SLC14A2: variants seen among roughly 807,000 people sequenced by gnomAD.
SLC14A2 encodes solute carrier family 14 member 2.
In SLC14A2, 91 loss-of-function variants were observed where a neutral mutation model predicts 104.6. The observed-to-expected ratio is 0.87, with a 90% CI of 0.73 to 1.04. The LOEUF (loss-of-function observed/expected upper bound fraction) is 1.04, where lower values mean the gene tolerates loss of function less well. Ranked by LOEUF, SLC14A2 falls within the 50% of genes least tolerant of loss-of-function variation. The pLI is 0.00. For synonymous variants in SLC14A2, 476 were observed against 466.4 expected (o/e 1.02, Z -0.27); for missense variants, 1,189 against 1,156.0 (o/e 1.03, Z -0.41).
intron 1 of SLC14A2, among the ~76,000 whole-genome samples, chr18:45,238,402 C>T (rs1328006594): frequency 1.3e-5 from 2 of 152,126 alleles, no homozygotes; most frequent in East Asian, 3.8e-4. Context: ...AAGCAAGATC[C>T]AAAAGGTAAG....
chr18:45,217,374 A>G (rs1599580931), intron 1 of SLC14A2, among the ~76,000 whole-genome samples: 1 of 151,516 alleles, frequency 6.6e-6, no homozygotes, highest in African/African-American at 2.4e-5. Flanking sequence ...TATATATGCC[A>G]AGTTACAACA....
intron 1 of SLC14A2, among the ~76,000 whole-genome samples, chr18:45,451,890 A>T (rs1007291463): frequency 6.6e-6 from 1 of 152,172 alleles, no homozygotes; most frequent in African/African-American, 2.4e-5. Context: ...TTGCTTCCCA[A>T]TTTATCTGTT....
intron 4 of SLC14A2, among the ~76,000 whole-genome samples, chr18:45,629,412 T>C (rs1232168437): frequency 2.6e-5 from 4 of 152,204 alleles, no homozygotes; most frequent in Admixed American, 2.6e-4. Context: ...CTCCTATTCC[T>C]TGTTCCCATG....
At chr18:45,429,005 T>C (rs2086474755) in intron 1 of SLC14A2, among the ~76,000 whole-genome samples, 1 of 152,084 alleles carries the variant, frequency 6.6e-6, no homozygotes, top group Non-Finnish European at 1.5e-5. Context: ...TACTAGATGG[T>C]TCATTACTGA....
chr18:45,219,503 AGG>A (rs1314707121), intron 1 of SLC14A2, among the ~76,000 whole-genome samples: 8 of 150,330 alleles, frequency 5.3e-5, no homozygotes, highest in Non-Finnish European at 7.4e-5. Context: ...GAGTAAGAGG[AGG>A]TGAAAGGCGA....
chr18:45,406,767 A>G (rs1050072048), intron 1 of SLC14A2, among the ~76,000 whole-genome samples: 3 of 152,186 alleles, frequency 2.0e-5, no homozygotes, highest in Non-Finnish European at 4.4e-5. Flanking sequence ...GTACATCTCC[A>G]TCAGAGTTCT....
At chr18:45,270,360 G>A (rs942498390) in intron 1 of SLC14A2, among the ~76,000 whole-genome samples, 7 of 152,102 alleles carry the variant, frequency 4.6e-5, no homozygotes, top group Non-Finnish European at 8.8e-5. Context: ...AGACAGGAAG[G>A]CAGGAAAGAA....
intron 1 of SLC14A2, among the ~76,000 whole-genome samples, chr18:45,220,542 A>G (rs1333307915): frequency 6.9e-6 from 1 of 145,554 alleles, no homozygotes; most frequent in Non-Finnish European, 1.5e-5. Context: ...AAATGAGTCT[A>G]CAGTGAACCT....
At chr18:45,261,904 A>T (rs994959602) in intron 1 of SLC14A2, among the ~76,000 whole-genome samples, 2 of 152,172 alleles carry the variant, frequency 1.3e-5, no homozygotes. Flanking sequence ...ATGATTTATA[A>T]TCCTTTGGGT....
At chr18:45,529,223 G>T (rs2043643633) in intron 2 of SLC14A2, 1 of 152,176 alleles carries the variant, frequency 6.6e-6, no homozygotes, top group Non-Finnish European at 1.5e-5. Flanking sequence ...TTATTGGTGA[G>T]AAAATTAACA....
chr18:45,470,897 A>G (rs958489821), intron 1 of SLC14A2, among the ~76,000 whole-genome samples: 3 of 151,990 alleles, frequency 2.0e-5, no homozygotes, highest in Non-Finnish European at 1.5e-5. Flanking sequence ...ATTCCCTTCA[A>G]CTTCTGAATT....
At chr18:45,281,606 TTC>T (rs1023484662) in intron 1 of SLC14A2, among the ~76,000 whole-genome samples, 10 of 152,214 alleles carry the variant, frequency 6.6e-5, no homozygotes, top group Admixed American at 2.0e-4. Context: ...GTTGTCATCA[TTC>T]TCTCTCTCCT....
intron 1 of SLC14A2, among the ~76,000 whole-genome samples, chr18:45,263,393 T>A (rs1158413409): frequency 1.3e-5 from 2 of 152,206 alleles, no homozygotes; most frequent in African/African-American, 2.4e-5. Flanking sequence ...ATCACTTGGT[T>A]AAATTGGTGT....
intron 2 of SLC14A2, among the ~76,000 whole-genome samples, chr18:45,539,863 G>T (rs1189227021): frequency 6.9e-6 from 1 of 144,778 alleles, no homozygotes; most frequent in Admixed American, 7.1e-5. Flanking sequence ...TACCCACTAA[G>T]CCATGACAGA....
rs2045050916 is a variant in SLC14A2, at chr18:45,615,599, T to TC, written c.-35+18dup. 7.1e-6 allele frequency: 1 copy of TC among 140,690 alleles called. No homozygotes were observed. The highest frequency in any genetic ancestry group is 2.7e-5 in the African/African-American group (1 of 37,120). 8.7% of individuals were successfully genotyped at this position (140,690 alleles called of 1,614,324 possible). On this transcript the variant is annotated intron_variant, in intron 1 of 19. Transcript: ENST00000255226. Reference sequence around the variant, plus strand: ...TGTGGAAGTGTGAGTCAATTAAATTTCTTTTTTTTTTTTTTCTAATAAATC... The same window carrying TC: ...TGTGGAAGTGTGAGTCAATTAAATTTCCTTTTTTTTTTTTTTCTAATAAATC...
chr18:45,567,807 A>G (rs1183044496), intron 2 of SLC14A2, among the ~76,000 whole-genome samples: 2 of 152,180 alleles, frequency 1.3e-5, no homozygotes, highest in Non-Finnish European at 2.9e-5. Flanking sequence ...GGCCTATAAA[A>G]TGATGTTAAA....
chr18:45,193,824 T>C, the SLC14A2 span, among the ~76,000 whole-genome samples: 2 of 152,288 alleles, frequency 1.3e-5, no homozygotes, highest in Non-Finnish European at 2.9e-5. Flanking sequence ...TTTGAGAATA[T>C]TGAGTTTTCT....
At chr18:45,200,218 G>T in the SLC14A2 span, among the ~76,000 whole-genome samples, 1 of 151,942 alleles carries the variant, frequency 6.6e-6, no homozygotes, top group East Asian at 1.9e-4. Context: ...TCGTTTTTCA[G>T]ACAGGAAAAC....
chr18:45,296,683 T>C (rs965736523), intron 1 of SLC14A2, among the ~76,000 whole-genome samples: 10 of 152,190 alleles, frequency 6.6e-5, no homozygotes, highest in African/African-American at 2.2e-4. Flanking sequence ...GGCCCACTGG[T>C]AGAAGTAAGA....
Sources: allele counts gnomAD v4.1 joint callset (sites outside exome capture counted in the v4.1 genomes callset), GRCh38; gene constraint gnomAD v4.1.1; transcripts MANE v1.5; gene names NCBI Gene and HGNC (gene_info 2026-07-23, HGNC 2026-07-21).